The following CP variants were observed in gnomAD, a reference collection of about 807,000 sequenced individuals.
The protein encoded by CP is caeruloplasmin.
CP carries 64 observed loss-of-function variants against 122.4 expected under a neutral mutation model. The ratio of observed to expected loss-of-function variants is 0.52; its 90% confidence interval spans 0.43 to 0.64. The LOEUF (loss-of-function observed/expected upper bound fraction) is 0.64. CP is among the 30% of genes least tolerant of loss of function. CP has a pLI of 0.00. For synonymous variants in CP, 440 were observed against 436.4 expected (o/e 1.01, Z -0.10); for missense variants, 1,167 against 1,284.4 (o/e 0.91, Z 1.40).
At chr3:149,180,360 C>G (rs1725698680) in intron 14 of CP, among the ~76,000 whole-genome samples, 1 of 152,210 alleles carries the variant, frequency 6.6e-6, no homozygotes, top group Non-Finnish European at 1.5e-5. Flanking sequence ...CACCCTCCTG[C>G]TTTGCCAAGG....
exon 6 of CP, chr3:149,162,469 A>G (rs1723966730): frequency 3.3e-6 from 3 of 906,952 alleles, no homozygotes; most frequent in African/African-American, 1.7e-5. Flanking sequence ...TTTATAAGAT[A>G]AAAGTACTAA....
intron 3 of CP, 47 bp downstream of exon 3, chr3:149,210,120 C>A (rs372758337): frequency 1.9e-6 from 3 of 1,563,778 alleles, no homozygotes; most frequent in Non-Finnish European, 8.8e-7. Context: ...AACTGCCCTG[C>A]CCCTGTCTTT....
At chr3:149,193,633 T>C (rs1217671306) in intron 9 of CP, among the ~76,000 whole-genome samples, 2 of 152,200 alleles carry the variant, frequency 1.3e-5, no homozygotes, top group African/African-American at 4.8e-5. Context: ...GTTATAAAGG[T>C]CAGGAACTTG....
At chr3:149,184,028 C>CTTT (rs869206210) in intron 12 of CP, among the ~76,000 whole-genome samples, 2,235 of 63,558 alleles carry the variant, frequency 0.035, 494 homozygotes, top group East Asian at 0.085. Context: ...TCACTTACTT[C>CTTT]TTTTTTTTTT....
intron 7 of CP, among the ~76,000 whole-genome samples, chr3:149,200,479 GGACA>G (rs769227590): frequency 1.3e-5 from 2 of 151,964 alleles, no homozygotes; most frequent in Non-Finnish European, 1.5e-5. Context: ...AAGGGAGCAG[GGACA>G]GACAGTGAGT....
At position 149,213,739 on chromosome 3, in the gene CP, G is replaced by A. The variant is rs368107838; in HGVS notation, c.147-1041C>T. Among the ~76,000 whole-genome samples the A allele has an allele frequency of 4.6e-5, 7 of 152,028 alleles. No homozygotes were observed. The East Asian group carries it at 9.7e-4, about 21-fold the overall frequency. ...TTCTACTCAACATTTGTGGGGCCGA[G>A]TAATCTGACTGAGGAATAAGTTTTG... On this transcript the variant is annotated intron_variant, in intron 1 of 18. Transcript: ENST00000264613.
At chr3:149,181,976 A>AGGGGGGCGGGGG in intron 14 of CP, 29 bp downstream of exon 14, 1 of 561,808 alleles carries the variant, frequency 1.8e-6, no homozygotes, top group Non-Finnish European at 3.3e-6. Context: ...GTTAAAATGC[A>AGGGGGGCGGGGG]CCACCCCCAC....
At chr3:149,198,621 A>C in intron 8 of CP, 43 bp from the exon 9 acceptor site, 1 of 1,575,182 alleles carries the variant, frequency 6.3e-7, no homozygotes. Context: ...GTGCTTTCTA[A>C]CGTGGTCATT....
At position 149,207,583 on chromosome 3, in the gene CP, T is replaced by G. The variant is rs1202370117; in HGVS notation, c.816A>C (p.Gly272=). The G allele has an allele frequency of 6.2e-7, 1 of 1,613,678 alleles. No homozygotes were observed. Among genetic ancestry groups the G allele is most frequent in the Non-Finnish European group, 8.5e-7 (1 of 1,179,808 alleles). Residue 272 remains glycine, a synonymous_variant, in exon 5 of 19, where the codon GGA becomes GGC. Coordinates refer to ENST00000264613, the MANE Select transcript of CP (RefSeq NM_000096.4). ...VNGYTFGSLP[G]LSMCAEDRVK... ...CTCTGTCTTCAGCACACATGGAGAG[T>G]CCTGGGAGACTTCCAAAAGTGTATC...
At chr3:149,177,444 A>G (rs527990068) in intron 17 of CP, among the ~76,000 whole-genome samples, 4 of 152,208 alleles carry the variant, frequency 2.6e-5, no homozygotes, top group African/African-American at 4.8e-5. Context: ...GATTGGTTTC[A>G]GGAATGCCCC....
intron 6 of CP, among the ~76,000 whole-genome samples, chr3:149,203,483 C>T (rs1478589553): frequency 3.3e-5 from 5 of 152,218 alleles, no homozygotes; most frequent in Non-Finnish European, 4.4e-5. Context: ...AGGCTGGTCT[C>T]GCACTCCTGG....
intron 1 of CP, among the ~76,000 whole-genome samples, chr3:149,215,291 A>G (rs778103289): frequency 8.5e-5 from 13 of 152,220 alleles, no homozygotes; most frequent in Non-Finnish European, 1.6e-4. Context: ...ATGCTCCTGT[A>G]TTAATCATTT....
chr3:149,196,468 A>C (rs1450701905), intron 9 of CP, among the ~76,000 whole-genome samples: 4 of 147,182 alleles, frequency 2.7e-5, no homozygotes, highest in Admixed American at 2.7e-4. Flanking sequence ...AATCCTCACC[A>C]AAAAAAACAA....
intron 4 of CP, among the ~76,000 whole-genome samples, chr3:149,208,578 G>A (rs1049284357): frequency 1.3e-5 from 2 of 152,220 alleles, no homozygotes; most frequent in African/African-American, 2.4e-5. Flanking sequence ...ACAAATAAAC[G>A]AAAATATCTA....
intron 7 of CP, among the ~76,000 whole-genome samples, chr3:149,201,840 C>T (rs1012980946): frequency 1.3e-5 from 2 of 152,128 alleles, no homozygotes; most frequent in East Asian, 1.9e-4. Flanking sequence ...AGTGATCTGC[C>T]CGCCTCAGCC....
chr3:149,210,076 CAGCACAGAAGACTTGATTTCTTTTTA>C, intron 3 of CP, 65 bp downstream of exon 3: 1 of 1,298,272 alleles, frequency 7.7e-7, no homozygotes, highest in Non-Finnish European at 1.1e-6. Flanking sequence ...TGCTCAATCT[CAGCACAGAAGACTTGATTTCTTTTTA>C]AAAGACAAAC....
Position 149,173,666 on chromosome 3 carries a change from G to A in CP, c.*48C>T, listed in dbSNP as rs1174988615. On this transcript the variant is annotated 3_prime_UTR_variant, in exon 19 of 19. Coordinates refer to ENST00000264613, the MANE Select transcript of CP (RefSeq NM_000096.4). Reference sequence around the variant, plus strand: ...TTTACACTTTCACATACATTGTTATGAATCATTGGTTTTTCTCTTTTTTCC... The same window carrying A: ...TTTACACTTTCACATACATTGTTATAAATCATTGGTTTTTCTCTTTTTTCC... 1 of 1,270,948 alleles carries A rather than the reference G, an allele frequency of 7.9e-7. No individual in the cohort carries two copies. Among genetic ancestry groups the A allele is most frequent in the Non-Finnish European group, 1.1e-6 (1 of 894,308 alleles). The allele number at this position is 1,270,948 out of a possible 1,614,324, so 78.7% of individuals were successfully genotyped here.
At chr3:149,194,747 C>T (rs920651530) in intron 9 of CP, among the ~76,000 whole-genome samples, 4 of 152,290 alleles carry the variant, frequency 2.6e-5, no homozygotes, top group Non-Finnish European at 4.4e-5. Context: ...TCTGTACTCC[C>T]TACTTTAACT....
At chr3:149,215,932 C>T (rs1324886932) in intron 1 of CP, among the ~76,000 whole-genome samples, 1 of 151,928 alleles carries the variant, frequency 6.6e-6, no homozygotes, top group East Asian at 1.9e-4. Context: ...AGTCTTAGAC[C>T]CAGAAATGAG....
Sources: gnomAD v4.1 joint callset for allele counts (sites outside exome capture counted in the v4.1 genomes callset) on GRCh38, gnomAD v4.1.1 for gene constraint, MANE v1.5 for transcripts, NCBI Gene and HGNC (gene_info 2026-07-23, HGNC 2026-07-21) for gene names.